Variants in CFAP20DC observed in about 807,000 individuals in gnomAD.
CFAP20DC encodes protein CFAP20DC.
CFAP20DC carries 84 observed loss-of-function variants against 101.7 expected under a neutral mutation model. The observed-to-expected ratio is 0.83, with a 90% CI of 0.69 to 0.99. The LOEUF is 0.99. Among genes scored for constraint, CFAP20DC ranks in the 50% least tolerant of loss-of-function variants. The pLI is 0.00. For missense variants in CFAP20DC, 1,007 were observed against 970.3 expected, an observed-to-expected ratio of 1.04 and a Z score of -0.50; for synonymous variants, 359 against 351.2, an observed-to-expected ratio of 1.02 and a Z score of -0.25.
At chr3:58,818,472 A>C (rs1056954021) in intron 14 of CFAP20DC, among the ~76,000 whole-genome samples, 1 of 151,696 alleles carries the variant, frequency 6.6e-6, no homozygotes, top group African/African-American at 2.4e-5. Flanking sequence ...GAAAACTGAA[A>C]AAGGCAGGGG....
intron 3 of CFAP20DC, among the ~76,000 whole-genome samples, chr3:58,723,684 G>T (rs1384739155): frequency 6.6e-6 from 1 of 152,168 alleles, no homozygotes; most frequent in Non-Finnish European, 1.5e-5. Flanking sequence ...ATGACCTTTG[G>T]CAGATCCCAT....
intron 7 of CFAP20DC, among the ~76,000 whole-genome samples, chr3:58,873,502 C>T (rs1208913575): frequency 6.9e-6 from 1 of 144,624 alleles, no homozygotes; most frequent in Non-Finnish European, 1.5e-5. Flanking sequence ...TGCTGTCAGG[C>T]AGGTGTTCAA....
chr3:58,791,469 A>G (rs1269960879), intron 15 of CFAP20DC, among the ~76,000 whole-genome samples: 1 of 152,178 alleles, frequency 6.6e-6, no homozygotes, highest in Non-Finnish European at 1.5e-5. Flanking sequence ...AAACTAGTGC[A>G]TTATACCACC....
At chr3:58,834,051 G>A (rs377077788) in intron 13 of CFAP20DC, among the ~76,000 whole-genome samples, 42 of 152,204 alleles carry the variant, frequency 2.8e-4, no homozygotes, top group African/African-American at 9.1e-4. Flanking sequence ...AAAGGGAAAC[G>A]GGAAGTGACT....
intron 4 of CFAP20DC, among the ~76,000 whole-genome samples, chr3:59,005,104 G>A (rs1459974470): frequency 2.0e-5 from 3 of 152,066 alleles, no homozygotes; most frequent in Non-Finnish European, 4.4e-5. Flanking sequence ...AACAAAATGA[G>A]GCAGAAGGGA....
At chr3:58,982,832 A>G (rs2092616454) in intron 4 of CFAP20DC, among the ~76,000 whole-genome samples, 1 of 152,068 alleles carries the variant, frequency 6.6e-6, no homozygotes, top group Admixed American at 6.5e-5. Context: ...CATTGTGCAC[A>G]TGTACCCTAA....
At chr3:58,857,052 G>A (rs550237990) in intron 12 of CFAP20DC, among the ~76,000 whole-genome samples, 1 of 152,308 alleles carries the variant, frequency 6.6e-6, no homozygotes, top group African/African-American at 2.4e-5. Flanking sequence ...CCTACTCTGT[G>A]TGAGGCAATT....
At position 59,006,946 on chromosome 3, in the gene CFAP20DC, G is replaced by A. The variant is rs2093448441; in HGVS notation, c.278+32611C>T. Among the ~76,000 whole-genome samples, 1 of 152,108 alleles carries A rather than the reference G, an allele frequency of 6.6e-6. No homozygotes were observed. The highest frequency in any genetic ancestry group is 2.4e-5 in the African/African-American group (1 of 41,428). ...CTCAGCGTGGAAGCTTATGGCCTGG[G>A]GCAGGTCTGAGTTTTGTGAGCAGGC... On this transcript the variant is annotated intron_variant, in intron 4 of 16. Transcript: ENST00000482387. The surrounding 1 kb of genome is among the most constrained non-coding windows in gnomAD (Gnocchi z 4.3).
chr3:58,939,413 G>A (rs2107806304), intron 4 of CFAP20DC, among the ~76,000 whole-genome samples: 1 of 152,056 alleles, frequency 6.6e-6, no homozygotes, highest in South Asian at 2.1e-4. Flanking sequence ...TTATTAAAGG[G>A]CTACTGTGCT....
intron 4 of CFAP20DC, among the ~76,000 whole-genome samples, chr3:59,000,040 C>T (rs1275110311): frequency 6.6e-6 from 1 of 152,052 alleles, no homozygotes; most frequent in Non-Finnish European, 1.5e-5. Context: ...AACTGCCTGT[C>T]CAACCTTGAA....
rs577831570 is a variant in CFAP20DC, at chr3:59,030,125, G to C, written c.278+9432C>G. On this transcript the variant is annotated intron_variant, in intron 4 of 16. Transcript: ENST00000482387. ...TGAAACAAAATGCCTCTCCCATTCT[G>C]ACAATGAAAAATTTTAGAAGCCAGA... Among the ~76,000 whole-genome samples, 8 of 152,320 alleles carry C rather than the reference G, an allele frequency of 5.3e-5. No homozygotes were observed. In the South Asian group the frequency reaches 1.4e-3, roughly 28 times the overall value.
chr3:58,814,989 C>T (rs1355958973), intron 14 of CFAP20DC, among the ~76,000 whole-genome samples: 1 of 151,130 alleles, frequency 6.6e-6, no homozygotes, highest in Non-Finnish European at 1.5e-5. Context: ...ACTTTCTTCA[C>T]AGAATTGGAA....
Position 59,006,410 on chromosome 3 carries a change from C to G in CFAP20DC, c.278+33147G>C, listed in dbSNP as rs2093434972. On this transcript the variant is annotated intron_variant, in intron 4 of 16. Coordinates refer to ENST00000482387, the MANE Select transcript of CFAP20DC (RefSeq NM_001394063.1). This position sits in a 1 kb window ranked among gnomAD's most constrained non-coding sequence, Gnocchi z 4.3. ...CCACTGCAGGAATCTACCAGGAAAA[C>G]TGGAAGAATTCACAGATCCTTTGAA... Among the ~76,000 whole-genome samples, 1 of 152,210 alleles carries G rather than the reference C, an allele frequency of 6.6e-6. No homozygotes were observed. Among genetic ancestry groups the G allele is most frequent in the African/African-American group, 2.4e-5 (1 of 41,462 alleles).
In CFAP20DC at chr3:59,002,796, C is replaced by G. The variant is rs570964326; in HGVS notation, c.278+36761G>C. ...GAGAGCATTTGTGACCTTCTTTTAA[C>G]AAGAACTAGTATTTGCCTAGTTTGA... On this transcript the variant is annotated intron_variant, in intron 4 of 16. Coordinates refer to ENST00000482387, the MANE Select transcript of CFAP20DC (RefSeq NM_001394063.1). This position sits in a 1 kb window ranked among gnomAD's most constrained non-coding sequence, Gnocchi z 4.5. Among the ~76,000 whole-genome samples the G allele has an allele frequency of 2.0e-5, 3 of 152,162 alleles. No individual in the cohort carries two copies. Among genetic ancestry groups the G allele is most frequent in the Non-Finnish European group, 4.4e-5 (3 of 68,016 alleles).
chr3:58,972,996 T>C (rs1455871754), intron 4 of CFAP20DC, among the ~76,000 whole-genome samples: 2 of 152,230 alleles, frequency 1.3e-5, no homozygotes, highest in African/African-American at 2.4e-5. Context: ...ACATATTATT[T>C]AAACAATATT....
At chr3:58,821,675 G>T (rs975134350) in intron 14 of CFAP20DC, among the ~76,000 whole-genome samples, 5 of 151,448 alleles carry the variant, frequency 3.3e-5, no homozygotes, top group Non-Finnish European at 7.4e-5. Context: ...GGAGAAATAG[G>T]AACACTTTTA....
intron 12 of CFAP20DC, among the ~76,000 whole-genome samples, chr3:58,858,423 C>A (rs2079005918): frequency 6.6e-6 from 1 of 152,108 alleles, no homozygotes; most frequent in Non-Finnish European, 1.5e-5. Flanking sequence ...GGCATTTAGA[C>A]AATAATTTCT....
At chr3:58,977,500 C>T (rs2092327693) in intron 4 of CFAP20DC, among the ~76,000 whole-genome samples, 1 of 151,968 alleles carries the variant, frequency 6.6e-6, no homozygotes, top group South Asian at 2.1e-4. Flanking sequence ...TGAGGTAAGC[C>T]CTGACTGTAG....
Position 58,938,732 on chromosome 3 carries a change from G to A in CFAP20DC, c.279-970C>T, listed in dbSNP as rs548975281. 1.7e-4 allele frequency among the ~76,000 whole-genome samples: 25 copies of A among 151,200 alleles called. 1 individual carries two copies. Among genetic ancestry groups the A allele is most frequent in the African/African-American group, 5.1e-4 (21 of 41,158 alleles). ...CCCTCCTTCCCACTTTTCTAATCTC[G>A]GTATTGCTCCTCTCTAAACTACTCT... On this transcript the variant is annotated intron_variant, in intron 4 of 16. Coordinates refer to ENST00000482387, the MANE Select transcript of CFAP20DC (RefSeq NM_001394063.1).
Sources: allele counts gnomAD v4.1 joint callset (sites outside exome capture counted in the v4.1 genomes callset), GRCh38; gene constraint gnomAD v4.1.1; non-coding constraint Gnocchi (gnomAD v3.1); transcripts MANE v1.5; gene names NCBI Gene and HGNC (gene_info 2026-07-23, HGNC 2026-07-21).